The following NUDT2 variants were observed in gnomAD, a reference collection of about 807,000 sequenced individuals.
The protein encoded by NUDT2 is bis(5'-nucleosyl)-tetraphosphatase [asymmetrical].
Under a neutral mutation model 14.2 loss-of-function variants are expected in NUDT2, and 12 were observed. The observed-to-expected ratio is 0.84, with a 90% CI of 0.54 to 1.37. The LOEUF (loss-of-function observed/expected upper bound fraction) is 1.37. Ranked by LOEUF, NUDT2 falls within the 40% of genes most tolerant of loss-of-function variation. The pLI is 0.00. For synonymous variants in NUDT2, 67 were observed against 67.4 expected (o/e 0.99, Z 0.03); for missense variants, 167 against 176.7 (o/e 0.95, Z 0.31).
chr9:34,337,093 G>A (rs987898594), intron 2 of NUDT2, among the ~76,000 whole-genome samples: 3 of 144,790 alleles, frequency 2.1e-5, no homozygotes, highest in South Asian at 2.2e-4. Flanking sequence ...TCCACCTCCC[G>A]GGTTCAAGTG....
intron 4 of NUDT2, among the ~76,000 whole-genome samples, chr9:34,340,762 G>A (rs1003315866): frequency 6.6e-6 from 1 of 152,250 alleles, no homozygotes; most frequent in Admixed American, 6.5e-5. Context: ...GGGACAGACT[G>A]TGGCTCAGGT....
intron 4 of NUDT2, among the ~76,000 whole-genome samples, chr9:34,340,938 A>G (rs1820168766): frequency 6.6e-6 from 1 of 152,110 alleles, no homozygotes; most frequent in African/African-American, 2.4e-5. Context: ...TGGTCTCCCA[A>G]AGTGCTGGGA....
In NUDT2 at chr9:34,333,619, T is replaced by C. The variant is rs115139963; in HGVS notation, c.-264-2610T>C. 4.3e-3 allele frequency among the ~76,000 whole-genome samples: 515 copies of C among 120,754 alleles called. 3 individuals are homozygous for C. Among genetic ancestry groups the C allele is most frequent in the African/African-American group, 0.016 (501 of 30,714 alleles). The allele number at this position is 120,754 out of a possible 152,430, so 79.2% of individuals were successfully genotyped here. A position where few individuals can be genotyped will look rare whatever the true frequency, so the allele number is the denominator to read the frequency against. On this transcript the variant is annotated intron_variant, in intron 1 of 4. Transcript: ENST00000379158. ...CTGTGATCATACCATTGCCCTCCAG[T>C]CTGGATGACACAGAGAGACATTGTC... is the stretch of plus-strand genomic sequence containing the variant.
chr9:34,338,884 TG>T, intron 3 of NUDT2, 37 bp downstream of exon 3: 3 of 656,024 alleles, frequency 4.6e-6, no homozygotes, highest in South Asian at 2.2e-5. Flanking sequence ...CCATTGGTCC[TG>T]GGCATGCTGC....
intron 2 of NUDT2, among the ~76,000 whole-genome samples, chr9:34,337,678 C>G (rs1319921635): frequency 6.6e-6 from 1 of 152,080 alleles, no homozygotes; most frequent in Non-Finnish European, 1.5e-5. Context: ...TTGATAGCTG[C>G]AAATTCATCT....
chr9:34,342,473 G>T (rs1820215940), intron 4 of NUDT2, among the ~76,000 whole-genome samples: 2 of 152,182 alleles, frequency 1.3e-5, no homozygotes, highest in Non-Finnish European at 2.9e-5. Flanking sequence ...ATTCCTTAGA[G>T]CATGGGATGA....
chr9:34,331,390 C>A (rs992005588), intron 1 of NUDT2, among the ~76,000 whole-genome samples: 6 of 152,236 alleles, frequency 3.9e-5, no homozygotes, highest in African/African-American at 1.4e-4. Flanking sequence ...GTGTTAACTT[C>A]ATTTTACAAA....
At chr9:34,332,103 A>G (rs1433848669) in intron 1 of NUDT2, among the ~76,000 whole-genome samples, 1 of 152,216 alleles carries the variant, frequency 6.6e-6, no homozygotes, top group African/African-American at 2.4e-5. Flanking sequence ...GCTTGCTTGC[A>G]GCTAGAATAT....
At chr9:34,335,311 T>C (rs1420847584) in intron 1 of NUDT2, among the ~76,000 whole-genome samples, 1 of 152,228 alleles carries the variant, frequency 6.6e-6, no homozygotes, top group East Asian at 1.9e-4. Flanking sequence ...TCCCAACTGC[T>C]GGCCTCACAG....
intron 1 of NUDT2, among the ~76,000 whole-genome samples, chr9:34,333,721 C>T (rs1457281169): frequency 6.7e-6 from 1 of 149,604 alleles, no homozygotes; most frequent in African/African-American, 2.5e-5. Context: ...CTTGTCTGTC[C>T]TCTCTCAGGG....
chr9:34,331,227 A>C lies in NUDT2; in HGVS notation c.-265+1628A>C, dbSNP rs558103514. Among the ~76,000 whole-genome samples, 12 of 152,362 alleles carry C rather than the reference A, an allele frequency of 7.9e-5. No homozygotes were observed. The South Asian group carries it at 2.3e-3, about 29-fold the overall frequency. Reference sequence around the variant, plus strand: ...TGAACAGTGTTGAGCAGTTTAACAGACAAGATGAAAAGTCATTTCTTTAAA... The same window carrying C: ...TGAACAGTGTTGAGCAGTTTAACAGCCAAGATGAAAAGTCATTTCTTTAAA... On this transcript the variant is annotated intron_variant, in intron 1 of 4. Coordinates refer to ENST00000379158, the MANE Select transcript of NUDT2 (RefSeq NM_001161.5).
intron 4 of NUDT2, among the ~76,000 whole-genome samples, chr9:34,340,518 G>A (rs1838204600): frequency 6.6e-6 from 1 of 152,220 alleles, no homozygotes; most frequent in African/African-American, 2.4e-5. Context: ...TGAGGGTGGA[G>A]TCGGGCAAGT....
chr9:34,333,636 G>C, intron 1 of NUDT2, among the ~76,000 whole-genome samples: 1 of 74,608 alleles, frequency 1.3e-5, no homozygotes, highest in Non-Finnish European at 2.3e-5. Context: ...GACACAGAGA[G>C]ACATTGTCAA....
chr9:34,342,572 C>T (rs956015079), intron 4 of NUDT2, among the ~76,000 whole-genome samples: 6 of 152,172 alleles, frequency 3.9e-5, no homozygotes, highest in African/African-American at 1.4e-4. Flanking sequence ...ACTTGCTATA[C>T]ACATGGTCTG....
Position 34,343,182 on chromosome 9 carries a change from A to G in NUDT2, c.186A>G (p.Glu62=). Residue 62 remains glutamate, a synonymous_variant, in exon 5 of 5, where the codon GAA becomes GAG. Transcript: ENST00000379158. Reference sequence around the variant, plus strand: ...CAGCCCTGAGGGAGACCCAAGAGGAAGCAGGCATAGAAGCAGGCCAGCTGA... The same window carrying G: ...CAGCCCTGAGGGAGACCCAAGAGGAGGCAGGCATAGAAGCAGGCCAGCTGA... ...LETALRETQE[E]AGIEAGQLTI... is the part of the protein sequence containing the mutation. 1 of 1,614,068 alleles carries G rather than the reference A, an allele frequency of 6.2e-7. No individual in the cohort carries two copies. The highest frequency in any genetic ancestry group is 8.5e-7 in the Non-Finnish European group (1 of 1,179,972).
intron 4 of NUDT2, among the ~76,000 whole-genome samples, chr9:34,341,667 G>A (rs1174525832): frequency 2.0e-5 from 3 of 152,106 alleles, no homozygotes; most frequent in Non-Finnish European, 2.9e-5. Context: ...CCACTGCCAC[G>A]CCCAGCTCAT....
chr9:34,335,379 C>T (rs1307929717), intron 1 of NUDT2, among the ~76,000 whole-genome samples: 1 of 152,238 alleles, frequency 6.6e-6, no homozygotes, highest in Admixed American at 6.5e-5. Context: ...TATCCACCAA[C>T]TTCCAAAGAT....
At chr9:34,340,021 A>G (rs927297468) in intron 4 of NUDT2, among the ~76,000 whole-genome samples, 2 of 151,384 alleles carry the variant, frequency 1.3e-5, no homozygotes, top group African/African-American at 4.9e-5. Flanking sequence ...TGCAACCTCC[A>G]TCTCCCAGGT....
chr9:34,334,071 G>C (rs1190321397), intron 1 of NUDT2, among the ~76,000 whole-genome samples: 2 of 152,212 alleles, frequency 1.3e-5, no homozygotes, highest in East Asian at 3.9e-4. Flanking sequence ...GAACAGGTCA[G>C]AGGGAAAATT....
Sources: gnomAD v4.1 joint callset for allele counts (sites outside exome capture counted in the v4.1 genomes callset) on GRCh38, gnomAD v4.1.1 for gene constraint, MANE v1.5 for transcripts, NCBI Gene and HGNC (gene_info 2026-07-23, HGNC 2026-07-21) for gene names.